Variants in SYT4 observed in about 807,000 individuals in gnomAD.
SYT4 encodes the protein synaptotagmin-4.
In SYT4, 7 loss-of-function variants were observed where a neutral mutation model predicts 32.9. The ratio of observed to expected loss-of-function variants is 0.21; its 90% CI spans 0.12 to 0.40. SYT4 has a LOEUF of 0.40. Among genes scored for constraint, SYT4 ranks in the 10% least tolerant of loss-of-function variants. The pLI is 1.00. For synonymous variants in SYT4, 205 were observed against 186.2 expected, an observed-to-expected ratio of 1.10 and a Z score of -0.82; for missense variants, 480 against 488.0, an observed-to-expected ratio of 0.98 and a Z score of 0.16.
Position 43,274,110 on chromosome 18 carries a change from T to G in SYT4, c.319A>C (p.Lys107Gln), listed in dbSNP as rs762934088. 2 of 1,614,086 alleles carry G rather than the reference T, an allele frequency of 1.2e-6. No individual in the cohort carries two copies. The highest frequency in any genetic ancestry group is 3.3e-5 in the Admixed American group (2 of 60,016). Reference sequence around the variant, plus strand: ...GGACTGCCAGGTTTGAGGTTGGTTTTGGGAAAATTGCCATTGAGATCTCTC... The same window carrying G: ...GGACTGCCAGGTTTGAGGTTGGTTTGGGGAAAATTGCCATTGAGATCTCTC... The part of the protein sequence containing the change: ...EKRDLNGNFP[K>Q]TNLKPGSPSD... The change falls in exon 2 of 4, where the codon AAA becomes CAA. Residue 107 changes from lysine to glutamine, a missense_variant. By Grantham distance (53) the Lys-to-Gln change is moderately conservative. Transcript: ENST00000255224.
intron 3 of SYT4, 36 bp downstream of exon 3, chr18:43,271,676 A>C: frequency 3.1e-6 from 5 of 1,610,140 alleles, no homozygotes; most frequent in Non-Finnish European, 8.5e-7. Flanking sequence ...CATTCCAATC[A>C]TACAGTGAAT....
chr18:43,272,331 T>C (rs949931128), intron 2 of SYT4, among the ~76,000 whole-genome samples: 14 of 152,090 alleles, frequency 9.2e-5, no homozygotes, highest in African/African-American at 3.4e-4. Flanking sequence ...CCAGTGAGAA[T>C]TATTCTGATC....
At position 43,268,509 on chromosome 18, in the gene SYT4, C is replaced by CAACT. The variant is rs779811381; in HGVS notation, c.*1828_*1831dup. 1.3e-5 allele frequency: 2 copies of CAACT among 152,034 alleles called. No individual in the cohort carries two copies. Among genetic ancestry groups the CAACT allele is most frequent in the Non-Finnish European group, 2.9e-5 (2 of 68,010 alleles). The allele number at this position is 152,034 out of a possible 1,614,324, so 9.4% of individuals were successfully genotyped here. A position where few individuals can be genotyped will look rare whatever the true frequency, so the allele number is the denominator to read the frequency against. ...AAGAATACTTAGAATTGGCCCCTTA[C>CAACT]AACTTTTCAGAGGTCCAACATATAT... On this transcript the variant is annotated 3_prime_UTR_variant, in exon 4 of 4. Transcript: ENST00000255224.
At chr18:43,272,088 C>T (rs1332077168) in intron 2 of SYT4, 1 of 242,796 alleles carries the variant, frequency 4.1e-6, no homozygotes, top group Non-Finnish European at 8.0e-6. Context: ...ACACCCATTA[C>T]TTAGAAATGT....
In SYT4 at chr18:43,269,059, AG is replaced by A. The variant is rs1908544333; in HGVS notation, c.*1281del. On this transcript the variant is annotated 3_prime_UTR_variant, in exon 4 of 4. Coordinates refer to ENST00000255224, the MANE Select transcript of SYT4 (RefSeq NM_020783.4). The stretch of plus-strand genomic sequence containing the variant: ...AAGCTAATTCTTTTCAAATAATCAC[AG>A]GGTGCAGCTTTAATCTAACAGGTTC... The A allele has an allele frequency of 6.6e-6, 1 of 152,200 alleles. No individual in the cohort carries two copies. The highest frequency in any genetic ancestry group is 1.5e-5 in the Non-Finnish European group (1 of 68,036). 9.4% of individuals were successfully genotyped at this position (152,200 alleles called of 1,614,324 possible). A position where few individuals can be genotyped will look rare whatever the true frequency, so the allele number is the denominator to read the frequency against.
At chr18:43,277,070 G>T (rs1908817543) in intron 1 of SYT4, among the ~76,000 whole-genome samples, 178 bp downstream of exon 1, 1 of 152,136 alleles carries the variant, frequency 6.6e-6, no homozygotes, top group Non-Finnish European at 1.5e-5. Context: ...AGATACCAAG[G>T]AAGGGAGAGA....
Position 43,268,169 on chromosome 18 carries a change from A to G in SYT4, c.*2172T>C, listed in dbSNP as rs1598662442. On this transcript the variant is annotated 3_prime_UTR_variant, in exon 4 of 4. Coordinates refer to ENST00000255224, the MANE Select transcript of SYT4 (RefSeq NM_020783.4). ...TTGTAACAGGATTCAAGATATTCACATTGATATTGTAATACATTCTAAAAC... is the reference window on the plus strand; with the variant it reads ...TTGTAACAGGATTCAAGATATTCACGTTGATATTGTAATACATTCTAAAAC... 1 of 152,610 alleles carries G rather than the reference A, an allele frequency of 6.6e-6. No individual in the cohort carries two copies. Among genetic ancestry groups the G allele is most frequent in the East Asian group, 1.9e-4 (1 of 5,194 alleles). 9.5% of individuals were successfully genotyped at this position (152,610 alleles called of 1,614,324 possible). A position where few individuals can be genotyped will look rare whatever the true frequency, so the allele number is the denominator to read the frequency against.
chr18:43,275,087 A>G lies in SYT4; in HGVS notation c.35-693T>C, dbSNP rs374609735. Among the ~76,000 whole-genome samples, 3 of 152,296 alleles carry G rather than the reference A, an allele frequency of 2.0e-5. No individual in the cohort carries two copies. In the East Asian group the frequency reaches 5.8e-4, roughly 29 times the overall value. ...TTCTCAGTCAAACACTGAATTATAC[A>G]AAGTATAAATTAATTAAACTTAAAT... On this transcript the variant is annotated intron_variant, in intron 1 of 3. Coordinates refer to ENST00000255224, the MANE Select transcript of SYT4 (RefSeq NM_020783.4).
chr18:43,272,467 A>G (rs1158915399), intron 2 of SYT4, among the ~76,000 whole-genome samples: 1 of 152,172 alleles, frequency 6.6e-6, no homozygotes, highest in Admixed American at 6.5e-5. Context: ...GTTTTTGGAC[A>G]GTGTCATAGC....
chr18:43,274,501 G>T, intron 1 of SYT4, 107 bp from the exon 2 acceptor site: 1 of 871,610 alleles, frequency 1.1e-6, no homozygotes, highest in Non-Finnish European at 1.7e-6. Flanking sequence ...TGGATAGATT[G>T]AATTACTTTC....
At chr18:43,274,672 G>T (rs1459885519) in intron 1 of SYT4, among the ~76,000 whole-genome samples, 1 of 152,110 alleles carries the variant, frequency 6.6e-6, no homozygotes, top group Non-Finnish European at 1.5e-5. Context: ...AGATATGGGG[G>T]AATGCTTAAT....
chr18:43,271,043 T>C (rs552565596), intron 3 of SYT4, among the ~76,000 whole-genome samples: 1 of 152,178 alleles, frequency 6.6e-6, no homozygotes, highest in African/African-American at 2.4e-5. Context: ...TTTGGGTGAG[T>C]CTATTTCCCT....
At chr18:43,275,131 T>C (rs1245878840) in intron 1 of SYT4, among the ~76,000 whole-genome samples, 2 of 152,090 alleles carry the variant, frequency 1.3e-5, no homozygotes, top group Non-Finnish European at 2.9e-5. Flanking sequence ...AACAGAACAA[T>C]GGTTATAAGT....
intron 2 of SYT4, 165 bp from the exon 3 acceptor site, chr18:43,271,997 T>C: frequency 7.5e-6 from 5 of 664,956 alleles, no homozygotes; most frequent in Non-Finnish European, 1.1e-5. Context: ...AGCAGTACCA[T>C]CGCTGCTTGA....
In SYT4 at chr18:43,270,050, T is replaced by A. The variant is rs1908578081; in HGVS notation, c.*291A>T. On this transcript the variant is annotated 3_prime_UTR_variant, in exon 4 of 4. Coordinates refer to ENST00000255224, the MANE Select transcript of SYT4 (RefSeq NM_020783.4). ...AGATTGTCACATTTATAATTTGGGA[T>A]TCTGGCACAGTATTCATAAAATGTC... is the stretch of plus-strand genomic sequence containing the variant. 2.9e-6 allele frequency: 1 copy of A among 348,968 alleles called. No homozygotes were observed. 21.6% of individuals were successfully genotyped at this position (348,968 alleles called of 1,614,324 possible).
chr18:43,274,915 T>C (rs915439582), intron 1 of SYT4, among the ~76,000 whole-genome samples: 8 of 152,100 alleles, frequency 5.3e-5, no homozygotes, highest in Admixed American at 1.3e-4. Flanking sequence ...TGCCACAAAC[T>C]CATTAATAAT....
rs538768010 is a variant in SYT4 at position 43,268,076 on chromosome 18, C to T, written c.*2265G>A. 1 of 152,580 alleles carries T rather than the reference C, an allele frequency of 6.6e-6. No individual in the cohort carries two copies. The highest frequency in any genetic ancestry group is 2.1e-4 in the South Asian group (1 of 4,818). The allele number at this position is 152,580 out of a possible 1,614,324, so 9.5% of individuals were successfully genotyped here. A position where few individuals can be genotyped will look rare whatever the true frequency, so the allele number is the denominator to read the frequency against. On this transcript the variant is annotated 3_prime_UTR_variant, in exon 4 of 4. Transcript: ENST00000255224. ...ACAGTTCTTCAAACATGTATACCTC[C>T]CCATTTGGGTGGTGAGATTGGCTAA...
At position 43,268,761 on chromosome 18, in the gene SYT4, T is replaced by C. The variant is rs978170982; in HGVS notation, c.*1580A>G. On this transcript the variant is annotated 3_prime_UTR_variant, in exon 4 of 4. Coordinates refer to ENST00000255224, the MANE Select transcript of SYT4 (RefSeq NM_020783.4). ...ACAAAAAAGAGGTTGATTTTTAATC[T>C]TTGTACATACAGAATGTAATACATT... 7 of 152,654 alleles carry C rather than the reference T, an allele frequency of 4.6e-5. No homozygotes were observed. The highest frequency in any genetic ancestry group is 1.7e-4 in the African/African-American group (7 of 41,460). The allele number at this position is 152,654 out of a possible 1,614,324, so 9.5% of individuals were successfully genotyped here.
At position 43,269,485 on chromosome 18, in the gene SYT4, G is replaced by A. The variant is rs544787160; in HGVS notation, c.*856C>T. 2.3e-4 allele frequency: 35 copies of A among 152,580 alleles called. No individual in the cohort carries two copies. Among genetic ancestry groups the A allele is most frequent in the African/African-American group, 8.2e-4 (34 of 41,546 alleles). 9.5% of individuals were successfully genotyped at this position (152,580 alleles called of 1,614,324 possible). On this transcript the variant is annotated 3_prime_UTR_variant, in exon 4 of 4. Coordinates refer to ENST00000255224, the MANE Select transcript of SYT4 (RefSeq NM_020783.4). ...TATACCTATTTCCTATAAGAAAATT[G>A]CACTTCTAACTGGATTTCTAGTTGA...
Sources: gnomAD v4.1 joint callset for allele counts (sites outside exome capture counted in the v4.1 genomes callset) on GRCh38, gnomAD v4.1.1 for gene constraint, MANE v1.5 for transcripts, NCBI Gene and HGNC (gene_info 2026-07-23, HGNC 2026-07-21) for gene names.